Variants in CNIH3 observed in about 807,000 individuals in gnomAD.
The protein encoded by CNIH3 is cornichon family AMPA receptor auxiliary protein 3, also known as protein cornichon homolog 3.
Under a neutral mutation model 24.1 loss-of-function variants are expected in CNIH3, and 14 were observed. The ratio of observed to expected loss-of-function variants is 0.58; its 90% confidence interval spans 0.38 to 0.91. The LOEUF is 0.91. Among genes scored for constraint, CNIH3 ranks in the 40% least tolerant of loss-of-function variants. CNIH3 has a pLI of 0.00. For missense variants in CNIH3, 178 were observed against 196.8 expected (o/e 0.90, Z 0.57); for synonymous variants, 68 against 73.8 (o/e 0.92, Z 0.40).
At chr1:224,737,856 C>A (rs1689674296) in intron 5 of CNIH3, among the ~76,000 whole-genome samples, 1 of 152,148 alleles carries the variant, frequency 6.6e-6, no homozygotes, top group Non-Finnish European at 1.5e-5. Context: ...GCCTTGTGGA[C>A]CAGGTGATAT....
At chr1:224,566,976 TC>T (rs1345501311) in intron 4 of CNIH3, among the ~76,000 whole-genome samples, 1 of 152,176 alleles carries the variant, frequency 6.6e-6, no homozygotes, top group Non-Finnish European at 1.5e-5. Context: ...CTAATTACAC[TC>T]CCACCAACAG....
chr1:224,662,223 T>C (rs565349884), intron 1 of CNIH3, among the ~76,000 whole-genome samples: 2 of 152,228 alleles, frequency 1.3e-5, no homozygotes, highest in Non-Finnish European at 2.9e-5. Context: ...AGTTCACTTA[T>C]AGCAATTATA....
intron 1 of CNIH3, among the ~76,000 whole-genome samples, chr1:224,483,839 A>G (rs373802320): frequency 2.0e-5 from 3 of 152,042 alleles, no homozygotes; most frequent in African/African-American, 4.8e-5. Flanking sequence ...TCTGATAAGA[A>G]ATTTGCATGT....
intron 1 of CNIH3, among the ~76,000 whole-genome samples, chr1:224,493,117 G>A (rs901290084): frequency 2.6e-5 from 4 of 152,138 alleles, no homozygotes; most frequent in Non-Finnish European, 5.9e-5. Flanking sequence ...GTTGACAAAG[G>A]TACTTTAAGC....
At chr1:224,706,396 C>T (rs1199861280) in intron 3 of CNIH3, among the ~76,000 whole-genome samples, 1 of 152,168 alleles carries the variant, frequency 6.6e-6, no homozygotes, top group Non-Finnish European at 1.5e-5. Context: ...GCATCCTCGC[C>T]TGTTCCGGAG....
intron 4 of CNIH3, among the ~76,000 whole-genome samples, chr1:224,567,663 C>T (rs950234733): frequency 2.0e-5 from 3 of 152,122 alleles, no homozygotes; most frequent in Admixed American, 6.5e-5. Flanking sequence ...TGCAGGCATC[C>T]ACTGTGCCTC....
intron 1 of CNIH3, among the ~76,000 whole-genome samples, chr1:224,483,594 A>G (rs1009606131): frequency 1.3e-5 from 2 of 150,562 alleles, no homozygotes; most frequent in African/African-American, 2.4e-5. Flanking sequence ...ACGAGGTCTC[A>G]CTATGTTGGC....
chr1:224,510,596 C>CAAAAAAAAA (rs777592587), intron 1 of CNIH3, among the ~76,000 whole-genome samples: 1 of 93,966 alleles, frequency 1.1e-5, no homozygotes, highest in African/African-American at 3.3e-5. Context: ...GACCCTGTCT[C>CAAAAAAAAA]AAAAAAAAAA....
downstream of CNIH3, among the ~76,000 whole-genome samples, chr1:224,539,973 G>T (rs1287716811): frequency 6.6e-6 from 1 of 152,080 alleles, no homozygotes; most frequent in Non-Finnish European, 1.5e-5. Context: ...GTGTAACATT[G>T]ATCACACAGA....
chr1:224,709,041 T>A (rs532927635), intron 3 of CNIH3, among the ~76,000 whole-genome samples: 1 of 152,330 alleles, frequency 6.6e-6, no homozygotes, highest in African/African-American at 2.4e-5. Context: ...AGTGGGTAGC[T>A]GATTAACCCT....
chr1:224,650,704 A>G (rs1337749548), intron 1 of CNIH3, among the ~76,000 whole-genome samples: 1 of 152,186 alleles, frequency 6.6e-6, no homozygotes, highest in African/African-American at 2.4e-5. Flanking sequence ...ACGGCTTTCT[A>G]TGTGCGCGAG....
At chr1:224,463,304 G>A (rs1011428464) in intron 1 of CNIH3, among the ~76,000 whole-genome samples, 3 of 152,122 alleles carry the variant, frequency 2.0e-5, no homozygotes, top group Non-Finnish European at 4.4e-5. Flanking sequence ...GCTGACTCTT[G>A]GGATGGTCAG....
At chr1:224,594,763 G>A in intron 3 of CNIH3, among the ~76,000 whole-genome samples, 1 of 152,198 alleles carries the variant, frequency 6.6e-6, no homozygotes, top group East Asian at 1.9e-4. Flanking sequence ...TAAGGCAGAG[G>A]AATATTGCTT....
intron 1 of CNIH3, among the ~76,000 whole-genome samples, chr1:224,624,632 G>C (rs1683431773): frequency 6.6e-6 from 1 of 152,072 alleles, no homozygotes; most frequent in South Asian, 2.1e-4. Flanking sequence ...GAGCATCGTG[G>C]TCCCTTCCAA....
intron 3 of CNIH3, among the ~76,000 whole-genome samples, chr1:224,700,213 C>T (rs1429761542): frequency 1.3e-5 from 2 of 152,198 alleles, no homozygotes; most frequent in South Asian, 2.1e-4. Flanking sequence ...CTTCTTCAGA[C>T]TCTTGAATCT....
At chr1:224,479,445 C>T (rs542384293) in intron 1 of CNIH3, among the ~76,000 whole-genome samples, 6 of 151,594 alleles carry the variant, frequency 4.0e-5, no homozygotes, top group Admixed American at 6.6e-5. Flanking sequence ...TGAGCCACTG[C>T]GCCCGGCAGT....
At chr1:224,580,853 T>C (rs1681246891) in intron 4 of CNIH3, among the ~76,000 whole-genome samples, 1 of 151,958 alleles carries the variant, frequency 6.6e-6, no homozygotes, top group African/African-American at 2.4e-5. Context: ...TAATTATGTA[T>C]TCACCTTGTG....
At chr1:224,717,595 C>T (rs1025230375) in intron 3 of CNIH3, 1 of 152,284 alleles carries the variant, frequency 6.6e-6, no homozygotes, top group African/African-American at 2.4e-5. Context: ...CTATATTCAG[C>T]CTTGGATTAT....
intron 1 of CNIH3, among the ~76,000 whole-genome samples, chr1:224,442,379 T>G (rs1195448474): frequency 1.3e-5 from 2 of 152,228 alleles, no homozygotes; most frequent in African/African-American, 4.8e-5. Context: ...GGATGTACAT[T>G]TTCTGCTACA....
Sources: allele counts gnomAD v4.1 joint callset (sites outside exome capture counted in the v4.1 genomes callset), GRCh38; gene constraint gnomAD v4.1.1; transcripts MANE v1.5; gene names NCBI Gene and HGNC (gene_info 2026-07-23, HGNC 2026-07-21).